The following ASTN2 variants were observed in gnomAD, a reference collection of about 807,000 sequenced individuals.
ASTN2 encodes the protein astrotactin-2.
In ASTN2, 54 loss-of-function variants were observed where a neutral mutation model predicts 139.8. That is an observed-to-expected ratio of 0.39 (90% CI 0.31 to 0.48). ASTN2 has a LOEUF of 0.48. ASTN2 is among the 20% of genes least tolerant of loss of function. The probability of loss-of-function intolerance (pLI) is 0.95; values close to 1 mark genes in which losing one functional copy is unlikely to be tolerated. For missense variants in ASTN2, 1,565 were observed against 1,725.1 expected (o/e 0.91, Z 1.64); for synonymous variants, 756 against 719.5 (o/e 1.05, Z -0.81).
intron 17 of ASTN2, among the ~76,000 whole-genome samples, chr9:116,631,531 G>A (rs1333105097): frequency 6.6e-6 from 1 of 151,978 alleles, no homozygotes; most frequent in Non-Finnish European, 1.5e-5. Flanking sequence ...TCATGGAGGT[G>A]GAGAGATGAT....
chr9:116,433,894 AAG>A lies in ASTN2; in HGVS notation c.3782+6713_3782+6714del, dbSNP rs1164664677. ...TTTTCATCCACTCAGAAGAAATCAT[AAG>A]ACTTTTCAAAAATGTGTTCTTTGAT... is the stretch of plus-strand genomic sequence containing the variant. On this transcript the variant is annotated intron_variant, in intron 22 of 22. Transcript: ENST00000313400. Among the ~76,000 whole-genome samples, 4 of 152,326 alleles carry A rather than the reference AAG, an allele frequency of 2.6e-5. No homozygotes were observed. In the East Asian group the frequency reaches 7.7e-4, roughly 29 times the overall value.
chr9:116,980,943 T>G (rs549407746), intron 7 of ASTN2, among the ~76,000 whole-genome samples: 1 of 152,226 alleles, frequency 6.6e-6, no homozygotes, highest in Admixed American at 6.5e-5. Flanking sequence ...TAGGGATGCA[T>G]GTAACCATGC....
chr9:116,846,735 G>A (rs1326813), intron 11 of ASTN2, among the ~76,000 whole-genome samples: 42 of 152,144 alleles, frequency 2.8e-4, no homozygotes, highest in South Asian at 1.2e-3. Context: ...TAGCTGGTCC[G>A]TAAGGGGTCT....
intron 19 of ASTN2, among the ~76,000 whole-genome samples, chr9:116,615,776 A>G (rs927867836): frequency 3.2e-4 from 49 of 152,086 alleles, no homozygotes; most frequent in Middle Eastern, 3.4e-3. Flanking sequence ...CCTAATGTAA[A>G]TGATGAGTTA....
At chr9:116,820,845 C>G in intron 11 of ASTN2, 62 bp from the exon 12 acceptor site, 2 of 1,497,146 alleles carry the variant, frequency 1.3e-6, no homozygotes, top group Non-Finnish European at 1.8e-6. Flanking sequence ...CCATCACACC[C>G]TCTCCTCCCT....
At chr9:116,504,429 A>C (rs1318427677) in intron 19 of ASTN2, 1 of 152,190 alleles carries the variant, frequency 6.6e-6, no homozygotes, top group Non-Finnish European at 1.5e-5. Flanking sequence ...TCTGAGGTCT[A>C]AGAAGAAAAC....
chr9:116,663,300 C>G (rs1439426618), intron 16 of ASTN2, among the ~76,000 whole-genome samples: 6 of 152,074 alleles, frequency 3.9e-5, no homozygotes, highest in Admixed American at 3.3e-4. Flanking sequence ...CACCTTGGGG[C>G]CAGTAGGAGG....
intron 1 of ASTN2, among the ~76,000 whole-genome samples, chr9:117,355,730 CAG>C (rs765573324): frequency 3.6e-4 from 55 of 152,250 alleles, no homozygotes; most frequent in Middle Eastern, 3.4e-3. Flanking sequence ...GCTGTGATGC[CAG>C]AGTCTGTCGG....
rs185452526 is a variant in ASTN2, at chr9:116,643,062, G to C, written c.3072+8466C>G. ...TAAGTAAATTATTCACCTCTCTGAAGTCTCAGGTTTTTGTTTTTTAATTTG... is the reference window on the plus strand; with the variant it reads ...TAAGTAAATTATTCACCTCTCTGAACTCTCAGGTTTTTGTTTTTTAATTTG... On this transcript the variant is annotated intron_variant, in intron 17 of 22. Coordinates refer to ENST00000313400, the MANE Select transcript of ASTN2 (RefSeq NM_001365068.1). Among the ~76,000 whole-genome samples the C allele has an allele frequency of 3.9e-5, 6 of 152,288 alleles. No homozygotes were observed. The East Asian group carries it at 1.2e-3, about 29-fold the overall frequency.
At chr9:117,282,983 T>G (rs201055532) in intron 2 of ASTN2, among the ~76,000 whole-genome samples, 1 of 71,802 alleles carries the variant, frequency 1.4e-5, no homozygotes, top group East Asian at 2.7e-4. Flanking sequence ...ACTTCTACTG[T>G]TTTTTTTTTT....
At chr9:116,884,812 C>CG (rs1446725669) in intron 10 of ASTN2, among the ~76,000 whole-genome samples, 7 of 122,572 alleles carry the variant, frequency 5.7e-5, no homozygotes, top group Admixed American at 2.5e-4. Flanking sequence ...CGCCCCCCCC[C>CG]CACCCACTTT....
chr9:117,304,345 T>C (rs1335306572), intron 1 of ASTN2, among the ~76,000 whole-genome samples: 2 of 152,186 alleles, frequency 1.3e-5, no homozygotes, highest in Non-Finnish European at 2.9e-5. Context: ...TAATCATTGC[T>C]TCAGTTATTT....
chr9:117,254,662 G>T (rs2133097109), intron 2 of ASTN2, among the ~76,000 whole-genome samples: 1 of 152,224 alleles, frequency 6.6e-6, no homozygotes, highest in Middle Eastern at 3.4e-3. Context: ...ACAGACAGTT[G>T]TATATATGTG....
rs111535361 is a variant in ASTN2, at chr9:116,819,000, T to C, written c.2207+1617A>G. ...TTATATTAAGGTAGGTATTAAAATT[T>C]TACTGGTGAGAAAATGGAAGGTCAG... On this transcript the variant is annotated intron_variant, in intron 12 of 22. Transcript: ENST00000313400. 1.5e-4 allele frequency among the ~76,000 whole-genome samples: 23 copies of C among 152,294 alleles called. 1 individual carries two copies. The highest frequency in any genetic ancestry group is 5.5e-4 in the African/African-American group (23 of 41,560).
At chr9:117,323,294 C>A (rs1828395503) in intron 1 of ASTN2, among the ~76,000 whole-genome samples, 1 of 152,072 alleles carries the variant, frequency 6.6e-6, no homozygotes, top group Non-Finnish European at 1.5e-5. Context: ...CCCCCCAAAG[C>A]CTCATTCTCA....
chr9:117,036,711 C>T (rs1016983348), intron 6 of ASTN2, among the ~76,000 whole-genome samples: 1 of 152,186 alleles, frequency 6.6e-6, no homozygotes. Flanking sequence ...TACACTGCCT[C>T]ACCCATTTCT....
intron 19 of ASTN2, among the ~76,000 whole-genome samples, chr9:116,605,734 C>G (rs1855159786): frequency 1.3e-5 from 2 of 152,110 alleles, no homozygotes; most frequent in South Asian, 4.1e-4. Flanking sequence ...CTGTCAGTGG[C>G]TAGATACTCC....
intron 10 of ASTN2, among the ~76,000 whole-genome samples, chr9:116,943,211 C>T (rs889512016): frequency 6.6e-6 from 1 of 152,100 alleles, no homozygotes; most frequent in African/African-American, 2.4e-5. Context: ...TGTATAAATG[C>T]TGGGCTCTAG....
At chr9:116,814,405 G>A (rs1355131492) in intron 12 of ASTN2, among the ~76,000 whole-genome samples, 1 of 152,098 alleles carries the variant, frequency 6.6e-6, no homozygotes, top group Non-Finnish European at 1.5e-5. Context: ...AAAATTTAGA[G>A]TTTCTAGAAA....
Sources: allele counts gnomAD v4.1 joint callset (sites outside exome capture counted in the v4.1 genomes callset), GRCh38; gene constraint gnomAD v4.1.1; transcripts MANE v1.5; gene names NCBI Gene and HGNC (gene_info 2026-07-23, HGNC 2026-07-21).